The following DENND2B variants were observed in gnomAD, a reference collection of about 807,000 sequenced individuals.
DENND2B encodes the protein DENN domain containing 2B, also known as DENN domain-containing protein 2B.
A neutral mutation model predicts 116.0 loss-of-function variants in DENND2B; 32 were observed. That is an observed-to-expected ratio of 0.28 (90% CI 0.21 to 0.37). The LOEUF (loss-of-function observed/expected upper bound fraction) is 0.37. Ranked by LOEUF, DENND2B falls within the 10% of genes least tolerant of loss-of-function variation. The pLI is 1.00. For missense variants in DENND2B, 1,276 were observed against 1,477.7 expected (o/e 0.86, Z 2.24); for synonymous variants, 588 against 583.9 (o/e 1.01, Z -0.10).
chr11:8,707,193 G>A lies in DENND2B; in HGVS notation c.2463C>T (p.Ile821=), dbSNP rs762796581. The change falls in exon 13 of 20, where the codon ATC becomes ATT. Residue 821 remains isoleucine, a synonymous_variant. Coordinates refer to ENST00000313726, the MANE Select transcript of DENND2B (RefSeq NM_213618.2). The surrounding 1 kb of genome is among the most constrained non-coding windows in gnomAD (Gnocchi z 4.8). The part of the protein sequence containing the change: ...VLDEVERRRG[I]SAALVYPFMR... ...TGAAAGGATAGACCAATGCAGCGGA[G>A]ATCCCACGCCGGCGCTCCACCTCAT... The A allele has an allele frequency of 6.2e-7, 1 of 1,613,180 alleles. No individual in the cohort carries two copies. Among genetic ancestry groups the A allele is most frequent in the Non-Finnish European group, 8.5e-7 (1 of 1,179,554 alleles).
intron 4 of DENND2B, among the ~76,000 whole-genome samples, chr11:8,829,147 T>G (rs1224526405): frequency 6.7e-6 from 1 of 150,048 alleles, no homozygotes; most frequent in African/African-American, 2.5e-5. Context: ...ATATGTGTGG[T>G]GTGTGTGTGG....
At chr11:8,815,171 A>C (rs2061525090), upstream of DENND2B, among the ~76,000 whole-genome samples, 1 of 152,132 alleles carries the variant, frequency 6.6e-6, no homozygotes, top group South Asian at 2.1e-4. Flanking sequence ...TCCAAGGACA[A>C]AACACCTCCT....
At chr11:8,698,796 T>C in intron 16 of DENND2B, 137 bp downstream of exon 16, 2 of 1,033,256 alleles carry the variant, frequency 1.9e-6, no homozygotes, top group Non-Finnish European at 1.5e-6. Flanking sequence ...GACCAGCTTC[T>C]CCCCACCCTT....
At chr11:8,896,999 G>A (rs1296991658) in intron 1 of DENND2B, among the ~76,000 whole-genome samples, 1 of 152,206 alleles carries the variant, frequency 6.6e-6, no homozygotes, top group Non-Finnish European at 1.5e-5. Flanking sequence ...AGCACTTTGG[G>A]AGGCCAAGGC....
Position 8,704,193 on chromosome 11 carries a change from C to T in DENND2B, c.2572-1473G>A, listed in dbSNP as rs565650913. The stretch of plus-strand genomic sequence containing the variant: ...TAGTTACAGCCTGGGAGTCCAGTGT[C>T]AGGACAGAGGCAGATGTGACCAACA... On this transcript the variant is annotated intron_variant, in intron 13 of 19. Coordinates refer to ENST00000313726, the MANE Select transcript of DENND2B (RefSeq NM_213618.2). 4.6e-5 allele frequency among the ~76,000 whole-genome samples: 7 copies of T among 152,318 alleles called. No homozygotes were observed. The South Asian group carries it at 1.4e-3, about 32-fold the overall frequency.
chr11:8,738,148 G>C (rs12295311), intron 2 of DENND2B, among the ~76,000 whole-genome samples: 3 of 152,298 alleles, frequency 2.0e-5, no homozygotes, highest in Middle Eastern at 6.8e-3. Context: ...AGGCAACGAA[G>C]AGGTGGGGAC....
At chr11:8,849,163 A>G (rs2062914430) in intron 3 of DENND2B, among the ~76,000 whole-genome samples, 1 of 152,142 alleles carries the variant, frequency 6.6e-6, no homozygotes, top group African/African-American at 2.4e-5. Flanking sequence ...TTAAAATAAG[A>G]CAGTCACTGC....
chr11:8,865,352 A>G (rs1452867325), intron 2 of DENND2B, among the ~76,000 whole-genome samples: 1 of 152,168 alleles, frequency 6.6e-6, no homozygotes, highest in Non-Finnish European at 1.5e-5. Flanking sequence ...AAAAATATAT[A>G]TATTTTACTC....
At chr11:8,710,794 C>CACACACT in intron 11 of DENND2B, 51 bp downstream of exon 11, 1 of 1,391,204 alleles carries the variant, frequency 7.2e-7, no homozygotes, top group Non-Finnish European at 1.0e-6. Flanking sequence ...CACACACACA[C>CACACACT]CCTGGCCTAT....
chr11:8,894,274 C>A (rs868724600), intron 1 of DENND2B, among the ~76,000 whole-genome samples: 67 of 152,078 alleles, frequency 4.4e-4, no homozygotes, highest in Middle Eastern at 3.4e-3. Flanking sequence ...CTTAAATGTT[C>A]GACCTAAAAC....
At chr11:8,804,083 A>G (rs2060603073) in intron 1 of DENND2B, among the ~76,000 whole-genome samples, 1 of 152,190 alleles carries the variant, frequency 6.6e-6, no homozygotes, top group Admixed American at 6.5e-5. Flanking sequence ...GCAGGAGGAA[A>G]GAGCTGAACC....
At chr11:8,734,310 T>A (rs1188297133) in intron 2 of DENND2B, among the ~76,000 whole-genome samples, 1 of 152,106 alleles carries the variant, frequency 6.6e-6, no homozygotes, top group African/African-American at 2.4e-5. Context: ...ATGCTCATTA[T>A]CATTAGTACT....
chr11:8,807,565 A>C (rs1414462194), intron 1 of DENND2B, among the ~76,000 whole-genome samples: 1 of 152,194 alleles, frequency 6.6e-6, no homozygotes, highest in African/African-American at 2.4e-5. Flanking sequence ...GGGGTGACTG[A>C]TATCTAATTT....
intron 14 of DENND2B, among the ~76,000 whole-genome samples, chr11:8,701,892 G>C (rs1473376219): frequency 6.6e-6 from 1 of 151,872 alleles, no homozygotes; most frequent in African/African-American, 2.4e-5. Context: ...GACCCATCCA[G>C]CTCTTTTCTT....
At chr11:8,801,349 C>T (rs1027850455) in intron 1 of DENND2B, among the ~76,000 whole-genome samples, 5 of 152,048 alleles carry the variant, frequency 3.3e-5, no homozygotes, top group Non-Finnish European at 7.4e-5. Flanking sequence ...TTGCATTTCT[C>T]AGCAGAACAA....
chr11:8,720,749 G>A (rs1318799590), intron 4 of DENND2B, among the ~76,000 whole-genome samples: 1 of 152,194 alleles, frequency 6.6e-6, no homozygotes. Flanking sequence ...ACCAGGGGAT[G>A]GAGATGTACA....
At chr11:8,782,999 C>G (rs939297657) in intron 1 of DENND2B, among the ~76,000 whole-genome samples, 2 of 148,138 alleles carry the variant, frequency 1.4e-5, no homozygotes, top group African/African-American at 2.5e-5. Context: ...TGAAGTTATA[C>G]AAGTAGGCAC....
chr11:8,698,166 A>AAAAAAAGG (rs1555092981), intron 16 of DENND2B, among the ~76,000 whole-genome samples: 6 of 129,442 alleles, frequency 4.6e-5, no homozygotes, highest in Non-Finnish European at 8.1e-5. Context: ...AAAAAAAAAA[A>AAAAAAAGG]GGGGGTAGAG....
chr11:8,895,005 T>A (rs2064082596), intron 1 of DENND2B, among the ~76,000 whole-genome samples: 1 of 152,090 alleles, frequency 6.6e-6, no homozygotes, highest in Non-Finnish European at 1.5e-5. Flanking sequence ...AACCCAAATG[T>A]CCATCAATGA....
Sources: gnomAD v4.1 joint callset for allele counts (sites outside exome capture counted in the v4.1 genomes callset) on GRCh38, gnomAD v4.1.1 for gene constraint, Gnocchi (gnomAD v3.1) non-coding constraint, MANE v1.5 for transcripts, NCBI Gene and HGNC (gene_info 2026-07-23, HGNC 2026-07-21) for gene names.